SORD: variants seen among roughly 807,000 people sequenced by gnomAD.
SORD encodes the protein sorbitol dehydrogenase, also known as (R,R)-butanediol dehydrogenase.
Under a neutral mutation model 35.6 loss-of-function variants are expected in SORD, and 18 were observed. The observed-to-expected ratio is 0.51, with a 90% CI of 0.35 to 0.75. The LOEUF is 0.75. Among genes scored for constraint, SORD ranks in the 30% least tolerant of loss-of-function variants. SORD has a pLI of 0.01. For missense variants in SORD, 250 were observed against 390.2 expected (o/e 0.64, Z 3.03); for synonymous variants, 106 against 152.9 (o/e 0.69, Z 2.26).
At chr15:45,068,159 T>C in intron 5 of SORD, 22 bp from the exon 6 acceptor site, 1 of 1,602,634 alleles carries the variant, frequency 6.2e-7, no homozygotes. Context: ...CACGAACATA[T>C]TCCATCTTCT....
chr15:45,036,670 G>C (rs572988879), intron 1 of SORD, among the ~76,000 whole-genome samples: 144 of 152,290 alleles, frequency 9.5e-4, no homozygotes, highest in African/African-American at 3.4e-3. Flanking sequence ...CCACTGCACT[G>C]TAGCCTGAGT....
At chr15:45,053,015 C>T (rs1893152702) in intron 3 of SORD, among the ~76,000 whole-genome samples, 1 of 152,110 alleles carries the variant, frequency 6.6e-6, no homozygotes, top group African/African-American at 2.4e-5. Flanking sequence ...CTCGAGAATA[C>T]AGAGAGAAAA....
At chr15:45,036,065 A>G (rs1364614723) in intron 1 of SORD, among the ~76,000 whole-genome samples, 1 of 151,358 alleles carries the variant, frequency 6.6e-6, no homozygotes, top group African/African-American at 2.4e-5. Context: ...GAGCTGTAAC[A>G]CTCACCGCGA....
At chr15:45,045,420 C>A (rs1315230738) in intron 3 of SORD, among the ~76,000 whole-genome samples, 1 of 151,842 alleles carries the variant, frequency 6.6e-6, no homozygotes, top group Non-Finnish European at 1.5e-5. Context: ...ATAATCCCAG[C>A]TACTTGGGAG....
At chr15:45,072,955 GC>G (rs1457602556) in intron 8 of SORD, among the ~76,000 whole-genome samples, 3 of 135,872 alleles carry the variant, frequency 2.2e-5, no homozygotes, top group Admixed American at 6.8e-5. Context: ...CTTACTCCTG[GC>G]TTTAGAGGCT....
intron 8 of SORD, 123 bp downstream of exon 8, chr15:45,072,561 T>G: frequency 1.9e-6 from 1 of 515,752 alleles, no homozygotes; most frequent in Non-Finnish European, 3.6e-6. Flanking sequence ...CTGGCCACAC[T>G]GATAGCTGTG....
At chr15:45,037,660 A>G (rs1291784155) in intron 1 of SORD, among the ~76,000 whole-genome samples, 2 of 152,204 alleles carry the variant, frequency 1.3e-5, no homozygotes, top group Non-Finnish European at 2.9e-5. Flanking sequence ...AGGGACATGG[A>G]TGAAGCTGGA....
chr15:45,026,943 G>A (rs1038072997), intron 1 of SORD, among the ~76,000 whole-genome samples: 11 of 151,414 alleles, frequency 7.3e-5, no homozygotes, highest in Admixed American at 2.0e-4. Context: ...ACTGCCTAAG[G>A]AGACTGCACC....
chr15:45,063,568 G>C (rs1466757585), intron 4 of SORD, among the ~76,000 whole-genome samples: 1 of 152,146 alleles, frequency 6.6e-6, no homozygotes. Context: ...AACACGGTTG[G>C]CTGTGTTGGG....
intron 1 of SORD, among the ~76,000 whole-genome samples, chr15:45,038,187 C>CCTTCCTTCCTTCCTTG: frequency 1.5e-5 from 2 of 129,184 alleles, no homozygotes; most frequent in Non-Finnish European, 3.2e-5. Context: ...TTCCTTCCTT[C>CCTTCCTTCCTTCCTTG]CTTCCTTCTG....
intron 1 of SORD, among the ~76,000 whole-genome samples, chr15:45,030,591 A>G (rs1478051805): frequency 4.6e-5 from 7 of 152,268 alleles, no homozygotes; most frequent in African/African-American, 1.7e-4. Context: ...AAGATCACGA[A>G]CAGACTAGAG....
intron 1 of SORD, among the ~76,000 whole-genome samples, chr15:45,035,962 C>T (rs1270837646): frequency 6.6e-6 from 1 of 151,672 alleles, no homozygotes; most frequent in Non-Finnish European, 1.5e-5. Flanking sequence ...AGAACTGTAA[C>T]ACTCACGGCG....
At chr15:45,039,870 G>C (rs4775713) in intron 1 of SORD, among the ~76,000 whole-genome samples, 2,530 of 152,280 alleles carry the variant, frequency 0.017, 18 homozygotes, top group Middle Eastern at 0.031. Context: ...CTGTATCTAA[G>C]AACATGTTTT....
chr15:45,036,561 G>T (rs1332509466), intron 1 of SORD, among the ~76,000 whole-genome samples: 1 of 152,136 alleles, frequency 6.6e-6, no homozygotes, highest in Non-Finnish European at 1.5e-5. Context: ...ACGCAGCGTG[G>T]CATGCACCTG....
At chr15:45,059,453 G>A (rs1372730848) in intron 3 of SORD, among the ~76,000 whole-genome samples, 4 of 152,058 alleles carry the variant, frequency 2.6e-5, no homozygotes, top group Non-Finnish European at 1.5e-5. Flanking sequence ...ACTGACTGTG[G>A]TATACTCTTA....
chr15:45,064,495 G>T (rs552142717), intron 4 of SORD, among the ~76,000 whole-genome samples: 13 of 152,282 alleles, frequency 8.5e-5, no homozygotes, highest in Admixed American at 3.3e-4. Context: ...TTATTGATAG[G>T]GTCAAGATAC....
intron 1 of SORD, among the ~76,000 whole-genome samples, chr15:45,036,856 T>G (rs1198941690): frequency 6.6e-6 from 1 of 152,160 alleles, no homozygotes; most frequent in African/African-American, 2.4e-5. Flanking sequence ...TAAGAAACTT[T>G]GGTAGATGAG....
intron 3 of SORD, among the ~76,000 whole-genome samples, chr15:45,046,482 A>G (rs1294846707): frequency 6.6e-6 from 1 of 152,166 alleles, no homozygotes; most frequent in Admixed American, 6.5e-5. Context: ...ACCTCAGGTG[A>G]TCAGCCCTCC....
chr15:45,041,269 T>A (rs1375980375), intron 2 of SORD, among the ~76,000 whole-genome samples: 1 of 152,120 alleles, frequency 6.6e-6, no homozygotes, highest in Non-Finnish European at 1.5e-5. Context: ...TGCTGACAGC[T>A]TTCTAATCCC....
Sources: gnomAD v4.1 joint callset for allele counts (sites outside exome capture counted in the v4.1 genomes callset) on GRCh38, gnomAD v4.1.1 for gene constraint, MANE v1.5 for transcripts, NCBI Gene and HGNC (gene_info 2026-07-23, HGNC 2026-07-21) for gene names.